The following GALNTL6 variants were observed in gnomAD, a reference collection of about 807,000 sequenced individuals.
The protein encoded by GALNTL6 is polypeptide N-acetylgalactosaminyltransferase like 6, also known as polypeptide N-acetylgalactosaminyltransferase-like 6.
In GALNTL6, 46 loss-of-function variants were observed where a neutral mutation model predicts 73.7. That is an observed-to-expected ratio of 0.62 (90% CI 0.49 to 0.80). The LOEUF is 0.80. Ranked by LOEUF, GALNTL6 falls within the 30% of genes least tolerant of loss-of-function variation. The probability of loss-of-function intolerance (pLI) is 0.00; values close to 1 mark genes in which losing one functional copy is unlikely to be tolerated. For missense variants in GALNTL6, 604 were observed against 755.0 expected, an observed-to-expected ratio of 0.80 and a Z score of 2.34; for synonymous variants, 259 against 263.7, an observed-to-expected ratio of 0.98 and a Z score of 0.17.
In GALNTL6 at chr4:172,809,268, A is replaced by C; in HGVS notation, c.554-93A>C. 1 of 918,816 alleles carries C rather than the reference A, an allele frequency of 1.1e-6. No homozygotes were observed. The highest frequency in any genetic ancestry group is 1.6e-5 in the South Asian group (1 of 61,436). The allele number at this position is 918,816 out of a possible 1,614,324, so 56.9% of individuals were successfully genotyped here. A position where few individuals can be genotyped will look rare whatever the true frequency, so the allele number is the denominator to read the frequency against. ...CAAGAATGTTACCCCAGGATTCATC[A>C]GTCACATACTCTCTATGCACAAACA... On this transcript the variant is annotated intron_variant, in intron 5 of 12. Coordinates refer to ENST00000506823, the MANE Select transcript of GALNTL6 (RefSeq NM_001034845.3). The surrounding 1 kb of genome is among the most constrained non-coding windows in gnomAD (Gnocchi z 4.4).
chr4:172,643,937 T>G (rs76827910), intron 5 of GALNTL6, among the ~76,000 whole-genome samples: 1 of 151,984 alleles, frequency 6.6e-6, no homozygotes, highest in Non-Finnish European at 1.5e-5. Context: ...TCATGAAGTA[T>G]GCTTATGTTC....
In GALNTL6 at chr4:172,564,303, G is replaced by A. The variant is rs191407295; in HGVS notation, c.553+215614G>A. ...GTCCAATCATGTTGAGAAGAAAAAA[G>A]GTTGAGATATAAATAGCTTATAAAG... On this transcript the variant is annotated intron_variant, in intron 5 of 12. Transcript: ENST00000506823. Among the ~76,000 whole-genome samples, 561 of 152,262 alleles carry A rather than the reference G, an allele frequency of 3.7e-3. 3 individuals are homozygous for A. The highest frequency in any genetic ancestry group is 5.9e-3 in the Non-Finnish European group (404 of 68,012).
chr4:172,992,016 T>C (rs1440672553), intron 10 of GALNTL6, among the ~76,000 whole-genome samples: 1 of 152,246 alleles, frequency 6.6e-6, no homozygotes, highest in Non-Finnish European at 1.5e-5. Flanking sequence ...AACTTTTAGT[T>C]CTATCTTCTC....
intron 7 of GALNTL6, among the ~76,000 whole-genome samples, chr4:172,851,376 T>TTA (rs1044338495): frequency 6.6e-6 from 1 of 151,386 alleles, no homozygotes; most frequent in Non-Finnish European, 1.5e-5. Context: ...CAGGGGCAGA[T>TTA]TATATATATA....
rs184728696 is a variant in GALNTL6, at chr4:172,070,045, G to C, written c.139-159611G>C. ...GATAAGGTAGTATAGGAAAATGTGAGCTATGGAGTCATCTTGTGGAGAACA... is the reference window on the plus strand; with the variant it reads ...GATAAGGTAGTATAGGAAAATGTGACCTATGGAGTCATCTTGTGGAGAACA... On this transcript the variant is annotated intron_variant, in intron 2 of 12. Coordinates refer to ENST00000506823, the MANE Select transcript of GALNTL6 (RefSeq NM_001034845.3). Among the ~76,000 whole-genome samples the C allele has an allele frequency of 1.2e-3, 133 of 108,874 alleles. 40 individuals are homozygous for C. Among genetic ancestry groups the C allele is most frequent in the Middle Eastern group, 8.9e-3 (2 of 224 alleles). The allele number at this position is 108,874 out of a possible 152,430, so 71.4% of individuals were successfully genotyped here.
At chr4:172,037,866 C>T (rs1390599923) in intron 2 of GALNTL6, among the ~76,000 whole-genome samples, 3 of 152,128 alleles carry the variant, frequency 2.0e-5, no homozygotes, top group Non-Finnish European at 4.4e-5. Context: ...GCCTGTAATC[C>T]CAGCACTTTG....
intron 2 of GALNTL6, among the ~76,000 whole-genome samples, chr4:172,027,215 C>A (rs1009465062): frequency 6.6e-6 from 1 of 152,132 alleles, no homozygotes; most frequent in Non-Finnish European, 1.5e-5. Context: ...CTTTCTTGCA[C>A]TTTACAGATA....
chr4:172,333,864 T>A (rs1333055358), intron 4 of GALNTL6, among the ~76,000 whole-genome samples: 2 of 152,202 alleles, frequency 1.3e-5, no homozygotes, highest in Non-Finnish European at 2.9e-5. Context: ...TATTTTTGTA[T>A]GTGGTGAGAG....
intron 2 of GALNTL6, among the ~76,000 whole-genome samples, chr4:171,891,487 G>T (rs929504199): frequency 6.6e-6 from 1 of 152,130 alleles, no homozygotes; most frequent in Non-Finnish European, 1.5e-5. Flanking sequence ...GAAACAGGTA[G>T]ATTGAAAAAA....
At chr4:172,627,277 T>C (rs1414373461) in intron 5 of GALNTL6, among the ~76,000 whole-genome samples, 1 of 152,164 alleles carries the variant, frequency 6.6e-6, no homozygotes, top group Non-Finnish European at 1.5e-5. Context: ...TTTAATTCTC[T>C]TTATGCAGTG....
chr4:171,899,751 A>G (rs1737026686), intron 2 of GALNTL6, among the ~76,000 whole-genome samples: 1 of 152,202 alleles, frequency 6.6e-6, no homozygotes, highest in Non-Finnish European at 1.5e-5. Flanking sequence ...TGACAAACCC[A>G]AAAGCAGCCC....
At chr4:172,635,910 A>G (rs1435220975) in intron 5 of GALNTL6, among the ~76,000 whole-genome samples, 1 of 152,234 alleles carries the variant, frequency 6.6e-6, no homozygotes, top group African/African-American at 2.4e-5. Context: ...TATTTGGTAC[A>G]TATGATAAAC....
chr4:172,015,888 C>T (rs35065675), intron 2 of GALNTL6, among the ~76,000 whole-genome samples: 1 of 143,638 alleles, frequency 7.0e-6, no homozygotes, highest in African/African-American at 2.6e-5. Context: ...GGCTTATAAG[C>T]TACCTGCTGA....
At chr4:172,962,581 G>A (rs1465708830) in intron 10 of GALNTL6, among the ~76,000 whole-genome samples, 1 of 151,960 alleles carries the variant, frequency 6.6e-6, no homozygotes, top group South Asian at 2.1e-4. Flanking sequence ...CAGACTCGGT[G>A]GTTCTTTTTA....
intron 5 of GALNTL6, among the ~76,000 whole-genome samples, chr4:172,452,062 T>C (rs1017379056): frequency 6.6e-6 from 1 of 152,086 alleles, no homozygotes; most frequent in South Asian, 2.1e-4. Context: ...AAAAAACCCA[T>C]GTAAGCATAA....
chr4:172,979,047 C>T (rs768658139), intron 10 of GALNTL6, among the ~76,000 whole-genome samples: 3 of 152,174 alleles, frequency 2.0e-5, no homozygotes, highest in East Asian at 1.9e-4. Flanking sequence ...TGGTACATGA[C>T]GAGTAATCAA....
intron 2 of GALNTL6, among the ~76,000 whole-genome samples, chr4:171,858,883 T>C (rs906761449): frequency 3.9e-5 from 6 of 152,276 alleles, no homozygotes; most frequent in Admixed American, 6.5e-5. Flanking sequence ...ATAAGATATA[T>C]GTTAGTACTA....
At chr4:172,628,544 CT>C (rs1273378748) in intron 5 of GALNTL6, among the ~76,000 whole-genome samples, 1 of 152,044 alleles carries the variant, frequency 6.6e-6, no homozygotes, top group Non-Finnish European at 1.5e-5. Context: ...CCAGCCTATT[CT>C]CTTGGAAACA....
chr4:172,299,328 T>G (rs1461011983), intron 3 of GALNTL6, among the ~76,000 whole-genome samples: 2 of 152,230 alleles, frequency 1.3e-5, no homozygotes, highest in African/African-American at 4.8e-5. Flanking sequence ...GCTCCTGGAT[T>G]CATTGACTTT....
Sources: allele counts gnomAD v4.1 joint callset (sites outside exome capture counted in the v4.1 genomes callset), GRCh38; gene constraint gnomAD v4.1.1; non-coding constraint Gnocchi (gnomAD v3.1); transcripts MANE v1.5; gene names NCBI Gene and HGNC (gene_info 2026-07-23, HGNC 2026-07-21).